LPP: variants seen among roughly 807,000 people sequenced by gnomAD.
The protein encoded by LPP is LIM domain containing preferred translocation partner in lipoma.
LPP carries 38 observed loss-of-function variants against 60.4 expected under a neutral mutation model. The ratio of observed to expected loss-of-function variants is 0.63; its 90% CI spans 0.49 to 0.83. The LOEUF is 0.83. LPP is among the 40% of genes least tolerant of loss of function. The probability of loss-of-function intolerance (pLI) is 0.00; values close to 1 mark genes in which losing one functional copy is unlikely to be tolerated. For missense variants in LPP, 902 were observed against 783.6 expected, an observed-to-expected ratio of 1.15 and a Z score of -1.80; for synonymous variants, 328 against 290.8, an observed-to-expected ratio of 1.13 and a Z score of -1.30.
chr3:188,490,757 T>TTTTTTTC (rs1183870357), intron 5 of LPP, among the ~76,000 whole-genome samples: 1 of 141,658 alleles, frequency 7.1e-6, no homozygotes, highest in Non-Finnish European at 1.5e-5. Context: ...TGGAATTTTT[T>TTTTTTTC]TTTTTTTTTT....
intron 6 of LPP, among the ~76,000 whole-genome samples, chr3:188,533,079 G>A (rs1179983476): frequency 6.6e-6 from 1 of 152,150 alleles, no homozygotes; most frequent in Non-Finnish European, 1.5e-5. Flanking sequence ...GGCAACCTGA[G>A]AAATTATTTC....
rs550913062 is a variant in LPP at position 188,242,052 on chromosome 3, G to A, written c.-67+16525G>A. On this transcript the variant is annotated intron_variant, in intron 2 of 11. Transcript: ENST00000617246. ...CAGGGTGGATGATGTGCTTTTTTTGGGCTAATAGGTGTTAAGGAGGCATGC... is the reference window on the plus strand; with the variant it reads ...CAGGGTGGATGATGTGCTTTTTTTGAGCTAATAGGTGTTAAGGAGGCATGC... 3.9e-5 allele frequency among the ~76,000 whole-genome samples: 6 copies of A among 152,158 alleles called. 1 individual carries two copies. The highest frequency in any genetic ancestry group is 3.9e-4 in the Admixed American group (6 of 15,292).
chr3:188,792,768 T>C (rs1395836401), intron 9 of LPP, among the ~76,000 whole-genome samples: 1 of 152,026 alleles, frequency 6.6e-6, no homozygotes, highest in Non-Finnish European at 1.5e-5. Context: ...AAAATCAGAG[T>C]GAGTTCCCTC....
intron 2 of LPP, among the ~76,000 whole-genome samples, chr3:188,336,947 T>C (rs1052768985): frequency 1.3e-5 from 2 of 152,122 alleles, no homozygotes; most frequent in Non-Finnish European, 2.9e-5. Context: ...CCAGGTACCA[T>C]TTCCCTGGGA....
At chr3:188,320,304 A>G (rs1389264956) in intron 2 of LPP, among the ~76,000 whole-genome samples, 4 of 152,230 alleles carry the variant, frequency 2.6e-5, no homozygotes, top group African/African-American at 9.6e-5. Flanking sequence ...GAAACTCCCA[A>G]ATCACATGGA....
chr3:188,670,021 CAT>C (rs1359892495), intron 7 of LPP, among the ~76,000 whole-genome samples: 3 of 152,160 alleles, frequency 2.0e-5, no homozygotes, highest in African/African-American at 7.2e-5. Context: ...CCAAACACCA[CAT>C]GTTCTCACTC....
At chr3:188,805,446 C>CCT (rs3057936) in intron 9 of LPP, among the ~76,000 whole-genome samples, 70,470 of 150,548 alleles carry the variant, frequency 0.47, 17,151 homozygotes, top group East Asian at 0.84. Context: ...GTATTGTTTC[C>CCT]CTCTCATTCA....
chr3:188,570,719 T>C (rs1833351863), intron 6 of LPP, among the ~76,000 whole-genome samples: 1 of 151,904 alleles, frequency 6.6e-6, no homozygotes, highest in South Asian at 2.1e-4. Context: ...TGCCTCATTC[T>C]CCTGTGTGCT....
At chr3:188,559,482 G>A (rs549530622) in intron 6 of LPP, among the ~76,000 whole-genome samples, 3 of 152,042 alleles carry the variant, frequency 2.0e-5, no homozygotes, top group Admixed American at 2.0e-4. Context: ...AAAGATGATG[G>A]TACTATAAGA....
intron 6 of LPP, among the ~76,000 whole-genome samples, chr3:188,580,199 A>G (rs1238627244): frequency 6.6e-6 from 1 of 152,058 alleles, no homozygotes; most frequent in African/African-American, 2.4e-5. Context: ...TGAGAGTCAT[A>G]CTCTTGAAAT....
At chr3:188,486,631 A>G (rs1319530114) in intron 5 of LPP, among the ~76,000 whole-genome samples, 2 of 152,346 alleles carry the variant, frequency 1.3e-5, no homozygotes, top group East Asian at 1.9e-4. Context: ...GATATTATCT[A>G]TCATTTGAAA....
chr3:188,597,632 C>T (rs184874459), intron 6 of LPP, among the ~76,000 whole-genome samples: 1 of 152,066 alleles, frequency 6.6e-6, no homozygotes, highest in African/African-American at 2.4e-5. Context: ...ACTACAGAAC[C>T]CTCTATCATA....
chr3:188,817,194 C>T (rs1056212827), intron 9 of LPP, among the ~76,000 whole-genome samples: 1 of 152,154 alleles, frequency 6.6e-6, no homozygotes, highest in Non-Finnish European at 1.5e-5. Flanking sequence ...TGTAAAAATG[C>T]CCTGTGTTGA....
rs150903947 is a variant in LPP, at chr3:188,381,036, C to A, written c.-9-25076C>A. On this transcript the variant is annotated intron_variant, in intron 3 of 11. Transcript: ENST00000617246. ...TCCTTCTGCATTTTCAACCTTCATGCCTGCTTTGCACTATTCTAGTTTACC... is the reference window on the plus strand; with the variant it reads ...TCCTTCTGCATTTTCAACCTTCATGACTGCTTTGCACTATTCTAGTTTACC... 2.6e-3 allele frequency among the ~76,000 whole-genome samples: 402 copies of A among 152,288 alleles called. 4 individuals carry two copies. The highest frequency in any genetic ancestry group is 9.2e-3 in the African/African-American group (382 of 41,552).
intron 4 of LPP, among the ~76,000 whole-genome samples, chr3:188,431,992 C>T (rs1363184501): frequency 6.6e-6 from 1 of 152,080 alleles, no homozygotes; most frequent in East Asian, 1.9e-4. Context: ...TTCTCTACAC[C>T]TGAGCAAAAT....
chr3:188,339,540 C>A (rs1363630367), intron 2 of LPP, among the ~76,000 whole-genome samples: 3 of 152,110 alleles, frequency 2.0e-5, no homozygotes, highest in African/African-American at 7.2e-5. Flanking sequence ...TGGTGAAAGG[C>A]AAAGGAGGAA....
chr3:188,573,105 G>T (rs1460322395), intron 6 of LPP, among the ~76,000 whole-genome samples: 4 of 152,052 alleles, frequency 2.6e-5, no homozygotes, highest in African/African-American at 9.7e-5. Flanking sequence ...TTAGTACCAG[G>T]CACTGTTGTA....
At chr3:188,247,970 A>G (rs1405990760) in intron 2 of LPP, among the ~76,000 whole-genome samples, 1 of 152,142 alleles carries the variant, frequency 6.6e-6, no homozygotes, top group Non-Finnish European at 1.5e-5. Context: ...ACTTTATGCT[A>G]CAATGCTCAT....
At position 188,365,687 on chromosome 3, in the gene LPP, CTT is replaced by C. The variant is rs113781032; in HGVS notation, c.-10+23982_-10+23983del. Reference sequence around the variant, plus strand: ...GTCTTTCTTTCTTTCTTTTCTTCTTCTTTTTTTTTTTTTTTACTCTGTTGAAT... The same window carrying C: ...GTCTTTCTTTCTTTCTTTTCTTCTTCTTTTTTTTTTTTTACTCTGTTGAAT... On this transcript the variant is annotated intron_variant, in intron 3 of 11. Transcript: ENST00000617246. Among the ~76,000 whole-genome samples, 277 of 137,482 alleles carry C rather than the reference CTT, an allele frequency of 2.0e-3. 2 individuals are homozygous for C. Among genetic ancestry groups the C allele is most frequent in the Middle Eastern group, 0.015 (4 of 272 alleles). 90.2% of individuals were successfully genotyped at this position (137,482 alleles called of 152,430 possible).
Sources: gnomAD v4.1 joint callset for allele counts (sites outside exome capture counted in the v4.1 genomes callset) on GRCh38, gnomAD v4.1.1 for gene constraint, MANE v1.5 for transcripts, NCBI Gene and HGNC (gene_info 2026-07-23, HGNC 2026-07-21) for gene names.